The following CUBN variants were observed in gnomAD, a reference collection of about 807,000 sequenced individuals.
The protein encoded by CUBN is cubilin, also known as 460 kDa receptor.
In CUBN, 282 loss-of-function variants were observed where a neutral mutation model predicts 405.3. That is an observed-to-expected ratio of 0.70 (90% CI 0.63 to 0.77). The LOEUF is 0.77. Ranked by LOEUF, CUBN falls within the 30% of genes least tolerant of loss-of-function variation. CUBN has a pLI of 0.00. For synonymous variants in CUBN, 1,684 were observed against 1,617.0 expected, an observed-to-expected ratio of 1.04 and a Z score of -0.99; for missense variants, 4,514 against 4,475.2, an observed-to-expected ratio of 1.01 and a Z score of -0.25.
chr10:17,115,769 G>A (rs1836880966), intron 6 of CUBN, among the ~76,000 whole-genome samples, 172 bp from the exon 7 acceptor site: 1 of 152,214 alleles, frequency 6.6e-6, no homozygotes, highest in African/African-American at 2.4e-5. Flanking sequence ...TCACTCTGCT[G>A]TGCTCCAAGT....
intron 53 of CUBN, among the ~76,000 whole-genome samples, chr10:16,900,018 C>A (rs185352468): frequency 1.3e-5 from 2 of 152,328 alleles, no homozygotes; most frequent in African/African-American, 4.8e-5. Flanking sequence ...TGCACAAAAA[C>A]TATTCTTTTA....
At chr10:16,852,845 T>C (rs1186754216) in intron 59 of CUBN, among the ~76,000 whole-genome samples, 2 of 152,230 alleles carry the variant, frequency 1.3e-5, no homozygotes, top group African/African-American at 4.8e-5. Flanking sequence ...TGCCAACAAA[T>C]CTTTTATTTA....
intron 31 of CUBN, among the ~76,000 whole-genome samples, chr10:16,970,914 C>T (rs2131670418): frequency 6.6e-6 from 1 of 152,180 alleles, no homozygotes. Flanking sequence ...TTCTTCCAAC[C>T]TTAACATTCT....
chr10:17,049,613 C>T (rs1175523991), intron 22 of CUBN, among the ~76,000 whole-genome samples: 1 of 152,126 alleles, frequency 6.6e-6, no homozygotes, highest in African/African-American at 2.4e-5. Context: ...ATTTACTCAC[C>T]AAGCTTCTTT....
At chr10:17,013,869 T>G (rs1588581247) in intron 28 of CUBN, among the ~76,000 whole-genome samples, 1 of 152,200 alleles carries the variant, frequency 6.6e-6, no homozygotes, top group Non-Finnish European at 1.5e-5. Context: ...CTTTCATCAG[T>G]ATATAGGTTA....
chr10:17,057,808 T>A (rs895516538), intron 22 of CUBN, among the ~76,000 whole-genome samples: 13 of 151,934 alleles, frequency 8.6e-5, no homozygotes, highest in African/African-American at 2.7e-4. Context: ...CATGAAAAAT[T>A]TCCAGACACA....
At chr10:16,884,970 T>C (rs1041267003) in intron 56 of CUBN, among the ~76,000 whole-genome samples, 3 of 152,196 alleles carry the variant, frequency 2.0e-5, no homozygotes, top group Non-Finnish European at 2.9e-5. Context: ...CAAGTGCCTA[T>C]AGCAGCTAGA....
At chr10:16,868,753 A>G (rs975448635) in intron 59 of CUBN, among the ~76,000 whole-genome samples, 1 of 152,112 alleles carries the variant, frequency 6.6e-6, no homozygotes, top group East Asian at 1.9e-4. Context: ...TTATCCTCTC[A>G]CCTAACTTTA....
At chr10:17,112,397 G>A (rs1836791662) in intron 8 of CUBN, among the ~76,000 whole-genome samples, 1 of 151,306 alleles carries the variant, frequency 6.6e-6, no homozygotes, top group African/African-American at 2.4e-5. Context: ...AGCATATATT[G>A]CTTTGCTGCT....
intron 14 of CUBN, among the ~76,000 whole-genome samples, chr10:17,098,897 G>A (rs1836433849): frequency 6.6e-6 from 1 of 152,062 alleles, no homozygotes; most frequent in African/African-American, 2.4e-5. Flanking sequence ...AACATTGCCA[G>A]GATAAATGAA....
rs148624176 is a variant in CUBN at position 16,866,424 on chromosome 10, C to T, written c.9454+3212G>A. ...ACATAAACAGAGTCAAGGCAGGAGA[C>T]GACCCTGCTGGTAAAGGAAGGGGCA... On this transcript the variant is annotated intron_variant, in intron 59 of 66. Coordinates refer to ENST00000377833, the MANE Select transcript of CUBN (RefSeq NM_001081.4). Among the ~76,000 whole-genome samples, 725 of 152,190 alleles carry T rather than the reference C, an allele frequency of 4.8e-3. 6 individuals carry two copies. Among genetic ancestry groups the T allele is most frequent in the Non-Finnish European group, 7.9e-3 (534 of 68,012 alleles).
Position 16,984,179 on chromosome 10 carries a change from A to T in CUBN, c.4451T>A (p.Leu1484Gln), listed in dbSNP as rs1343256420. 1.2e-6 allele frequency: 2 copies of T among 1,614,152 alleles called. No individual in the cohort carries two copies. Among genetic ancestry groups the T allele is most frequent in the Non-Finnish European group, 1.7e-6 (2 of 1,180,028 alleles). The part of the protein sequence containing the change: ...PMQVSSTGNE[L>Q]AIRFKTDLSI... ...CAAGTCGGTCTTGAATCGAATTGCT[A>T]GCTCATTTCCAGTGCTGGAGACCTG... The change falls in exon 30 of 67, where the codon CTA becomes CAA. Residue 1484 changes from leucine (L) to glutamine (Q), a missense_variant. Physicochemically the swap from Leu to Gln is moderately radical, Grantham distance 113. This residue lies in a region of CUBN where 1,613 missense variants were observed against 1,542.8 expected (regional missense o/e 1.05). Transcript: ENST00000377833.
At position 16,933,072 on chromosome 10, in the gene CUBN, T is replaced by G. The variant is rs772163263; in HGVS notation, c.6124+15A>C. On this transcript the variant is annotated intron_variant, in intron 40 of 66. Coordinates refer to ENST00000377833, the MANE Select transcript of CUBN (RefSeq NM_001081.4). ...TGTCAGGGTTGAAACTCAGCATTCTTTATAATGTTCTCACCATCTCGTATC... is the reference window on the plus strand; with the variant it reads ...TGTCAGGGTTGAAACTCAGCATTCTGTATAATGTTCTCACCATCTCGTATC... 88 of 1,612,472 alleles carry G rather than the reference T, an allele frequency of 5.5e-5. No homozygotes were observed. The highest frequency in any genetic ancestry group is 6.8e-5 in the Non-Finnish European group (80 of 1,178,716).
intron 17 of CUBN, among the ~76,000 whole-genome samples, chr10:17,082,048 G>A (rs772211773): frequency 1.3e-5 from 2 of 152,012 alleles, no homozygotes; most frequent in East Asian, 1.9e-4. Flanking sequence ...TAGATACCTC[G>A]CTGGCCAACT....
Position 16,907,773 on chromosome 10 carries a change from T to C in CUBN, c.7534-94A>G, listed in dbSNP as rs906933793. On this transcript the variant is annotated intron_variant, in intron 48 of 66. Coordinates refer to ENST00000377833, the MANE Select transcript of CUBN (RefSeq NM_001081.4). Reference sequence around the variant, plus strand: ...TTTCCAGCCCAGACCCACTTCCTTTTATGGGAACCCTGCCCCAAAATGAAT... The same window carrying C: ...TTTCCAGCCCAGACCCACTTCCTTTCATGGGAACCCTGCCCCAAAATGAAT... 1.7e-5 allele frequency: 22 copies of C among 1,318,598 alleles called. No individual in the cohort carries two copies. In the African/African-American group the frequency reaches 2.0e-4, roughly 12 times the overall value. The allele number at this position is 1,318,598 out of a possible 1,614,324, so 81.7% of individuals were successfully genotyped here.
At chr10:16,997,419 G>T (rs1379022292) in intron 28 of CUBN, among the ~76,000 whole-genome samples, 1 of 143,418 alleles carries the variant, frequency 7.0e-6, no homozygotes, top group East Asian at 2.2e-4. Context: ...TGGCAACAGA[G>T]TGAGACTCCA....
intron 28 of CUBN, among the ~76,000 whole-genome samples, chr10:17,018,306 C>G (rs1834395067): frequency 6.6e-6 from 1 of 152,204 alleles, no homozygotes; most frequent in Admixed American, 6.5e-5. Context: ...CAAAATGTGT[C>G]CGGAATTTAT....
At chr10:16,848,690 CTTTTTTTTTTTTT>C (rs10562297) in intron 60 of CUBN, among the ~76,000 whole-genome samples, 3 of 53,338 alleles carry the variant, frequency 5.6e-5, no homozygotes, top group East Asian at 8.5e-4. Context: ...CTCTCCCAGC[CTTTTTTTTTTTTT>C]TTTTTTTTTT....
At position 16,987,388 on chromosome 10, in the gene CUBN, C is replaced by T. The variant is rs145233605; in HGVS notation, c.4350+2946G>A. 2.6e-5 allele frequency among the ~76,000 whole-genome samples: 4 copies of T among 152,312 alleles called. No homozygotes were observed. The East Asian group carries it at 7.7e-4, about 29-fold the overall frequency. On this transcript the variant is annotated intron_variant, in intron 29 of 66. Transcript: ENST00000377833. ...TTAAAAATGTGTTTTAGCAAATGCTCAGGATGGAGGACATTTCAAAGCCTA... is the reference window on the plus strand; with the variant it reads ...TTAAAAATGTGTTTTAGCAAATGCTTAGGATGGAGGACATTTCAAAGCCTA...
Sources: allele counts gnomAD v4.1 joint callset (sites outside exome capture counted in the v4.1 genomes callset), GRCh38; gene constraint gnomAD v4.1.1; regional missense constraint gnomAD v4.1.1; transcripts MANE v1.5; gene names NCBI Gene and HGNC (gene_info 2026-07-23, HGNC 2026-07-21).